The following ZNF226 variants were observed in gnomAD, a reference collection of about 807,000 sequenced individuals.
The protein encoded by ZNF226 is Kruppel-associated box protein.
ZNF226 carries 6 observed loss-of-function variants against 11.4 expected under a neutral mutation model. The ratio of observed to expected loss-of-function variants is 0.53; its 90% CI spans 0.29 to 1.04. The LOEUF (loss-of-function observed/expected upper bound fraction) is 1.04. ZNF226 is among the 50% of genes least tolerant of loss of function. The probability of loss-of-function intolerance (pLI) is 0.08; values close to 1 mark genes in which losing one functional copy is unlikely to be tolerated. For missense variants in ZNF226, 1,058 were observed against 956.5 expected, an observed-to-expected ratio of 1.11 and a Z score of -1.40; for synonymous variants, 350 against 322.8, an observed-to-expected ratio of 1.08 and a Z score of -0.90.
chr19:44,172,624 A>G (rs1176199413), intron 4 of ZNF226: 1 of 510,592 alleles, frequency 2.0e-6, no homozygotes, highest in Non-Finnish European at 3.4e-6. Flanking sequence ...GGGAGATTTA[A>G]GGAAAACAGA....
Position 44,175,818 on chromosome 19 carries a change from A to G in ZNF226, c.556A>G (p.Arg186Gly). 1 of 1,613,780 alleles carries G rather than the reference A, an allele frequency of 6.2e-7. No homozygotes were observed. The highest frequency in any genetic ancestry group is 8.5e-7 in the Non-Finnish European group (1 of 1,179,814). Reference sequence around the variant, plus strand: ...CCTGACTGAGTCACAGAGATTGAACAGAGATCAGCAAATTTCCATAAAAAA... The same window carrying G: ...CCTGACTGAGTCACAGAGATTGAACGGAGATCAGCAAATTTCCATAAAAAA... The part of the protein sequence containing the change: ...TFLTESQRLN[R>G]DQQISIKNKL... Residue 186 changes from arginine (R) to glycine (G), a missense_variant, in exon 6 of 6, where the codon AGA becomes GGA. Coordinates refer to ENST00000337433, the MANE Select transcript of ZNF226 (RefSeq NM_001032373.2).
downstream of ZNF226, chr19:44,178,211 G>A (rs943370328): frequency 1.8e-4 from 28 of 153,892 alleles, no homozygotes; most frequent in African/African-American, 6.5e-4. Context: ...TCCTCCTTTA[G>A]CCTCACTAAT....
chr19:44,181,067 T>C (rs1970899852), downstream of ZNF226, among the ~76,000 whole-genome samples: 1 of 152,180 alleles, frequency 6.6e-6, no homozygotes. Context: ...CCAGTTCTTT[T>C]GGCCTTTGTG....
the ZNF226 span, among the ~76,000 whole-genome samples, chr19:44,193,056 T>A: frequency 1.3e-5 from 2 of 152,144 alleles, no homozygotes; most frequent in Non-Finnish European, 2.9e-5. Flanking sequence ...TCTGAAGACC[T>A]CACTATTTTA....
Position 44,176,184 on chromosome 19 carries a change from A to C in ZNF226, c.922A>C (p.Lys308Gln). ...HQKVHVGEKL[K>Q]CDECGKEFSQ... is the part of the protein sequence containing the mutation. ...GAAAGTACATGTGGGAGAAAAACTT[A>C]AGTGTGATGAGTGTGGTAAGGAATT... is the stretch of plus-strand genomic sequence containing the variant. Residue 308 changes from lysine to glutamine, a missense_variant, in exon 6 of 6, where the codon AAG (lysine) becomes CAG (glutamine). By Grantham distance (53) the Lys-to-Gln change is moderately conservative. Transcript: ENST00000337433. 6 of 1,614,152 alleles carry C rather than the reference A, an allele frequency of 3.7e-6. No homozygotes were observed. The highest frequency in any genetic ancestry group is 1.1e-5 in the South Asian group (1 of 91,084).
chr19:44,176,535 G>A lies in ZNF226; in HGVS notation c.1273G>A (p.Gly425Ser). ...GEKPYKCEEC[G>S]KGFICSSNLY... is the part of the protein sequence containing the mutation. ...GAAACCATACAAATGTGAGGAGTGTGGTAAGGGCTTCATTTGTAGCTCAAA... is the reference window on the plus strand; with the variant it reads ...GAAACCATACAAATGTGAGGAGTGTAGTAAGGGCTTCATTTGTAGCTCAAA... Residue 425 changes from glycine (G) to serine (S), a missense_variant, in exon 6 of 6, where the codon GGT becomes AGT. Gly to Ser is a moderately conservative substitution (Grantham distance 56, BLOSUM62 0). Coordinates refer to ENST00000337433, the MANE Select transcript of ZNF226 (RefSeq NM_001032373.2). 6.2e-7 allele frequency: 1 copy of A among 1,614,162 alleles called. No homozygotes were observed.
chr19:44,192,337 G>C, the ZNF226 span, among the ~76,000 whole-genome samples: 1 of 152,128 alleles, frequency 6.6e-6, no homozygotes, highest in Non-Finnish European at 1.5e-5. Flanking sequence ...TGAGAGGTGA[G>C]AGAGGGAGAG....
intron 2 of ZNF226, chr19:44,166,959 C>T (rs1000012879): frequency 6.6e-6 from 1 of 152,138 alleles, no homozygotes; most frequent in African/African-American, 2.4e-5. Context: ...GAAAACTGAC[C>T]CTGCCAGATG....
At chr19:44,187,192 GTTAA>G in the ZNF226 span, among the ~76,000 whole-genome samples, 1 of 151,912 alleles carries the variant, frequency 6.6e-6, no homozygotes, top group Non-Finnish European at 1.5e-5. This position sits in a 1 kb window ranked among gnomAD's most constrained non-coding sequence, Gnocchi z 4.0. Context: ...GAATTTGTAT[GTTAA>G]TTCTTCTTTA....
chr19:44,174,896 C>G, intron 5 of ZNF226: 3 of 1,256,326 alleles, frequency 2.4e-6, no homozygotes, highest in Non-Finnish European at 2.2e-6. Context: ...TTCTCTTCAG[C>G]AATAACTCAC....
In ZNF226 at chr19:44,176,068, T is replaced by A. The variant is rs763216885; in HGVS notation, c.806T>A (p.Leu269His). 3 of 1,614,176 alleles carry A rather than the reference T, an allele frequency of 1.9e-6. No individual in the cohort carries two copies. The South Asian group carries it at 3.3e-5, about 18-fold the overall frequency. The change falls in exon 6 of 6, where the codon CTT becomes CAT. Residue 269 changes from leucine (L) to histidine (H), a missense_variant. Coordinates refer to ENST00000337433, the MANE Select transcript of ZNF226 (RefSeq NM_001032373.2). ...KPFSDLSSFD[L>H]HQQLQSGEKS... is the part of the protein sequence containing the mutation. The stretch of plus-strand genomic sequence containing the variant: ...TTCAGTGATCTCTCCAGCTTTGATC[T>A]TCATCAGCAGTTACAATCAGGAGAG...
At chr19:44,177,889 T>C (rs1324798907), downstream of ZNF226, 1 of 490,470 alleles carries the variant, frequency 2.0e-6, no homozygotes, top group Admixed American at 3.9e-5. Context: ...AGGCCTTTTA[T>C]AAAAGTATCA....
Position 44,176,509 on chromosome 19 carries a change from AG to A in ZNF226, c.1248del (p.Lys417AsnfsTer70), listed in dbSNP as rs757580013. 1.9e-6 allele frequency: 3 copies of A among 1,614,166 alleles called. No individual in the cohort carries two copies. The highest frequency in any genetic ancestry group is 1.7e-6 in the Non-Finnish European group (2 of 1,180,022). On this transcript the variant is annotated frameshift_variant, in exon 6 of 6. Transcript: ENST00000337433. LOFTEE classifies it low-confidence loss of function (END_TRUNC). ...TCCCATCAAAGAGTTCATACAGGAG[AG>A]AAACCATACAAATGTGAGGAGTGTG... is the stretch of plus-strand genomic sequence containing the variant. ...LQSHQRVHTGEKPYKCEECGK... is the reference protein window; with the variant it reads ...LQSHQRVHTGXKPYKCEECGK...
the ZNF226 span, among the ~76,000 whole-genome samples, chr19:44,194,120 T>C: frequency 6.6e-6 from 1 of 152,238 alleles, no homozygotes; most frequent in Non-Finnish European, 1.5e-5. Context: ...TCCCTGGTTG[T>C]GTAGAAATTT....
At chr19:44,175,066 G>A in intron 5 of ZNF226, 2 of 1,609,142 alleles carry the variant, frequency 1.2e-6, no homozygotes, top group Non-Finnish European at 1.7e-6. Flanking sequence ...AATGTTGGAA[G>A]TCATTTATAT....
chr19:44,175,447 A>G, intron 5 of ZNF226, 51 bp from the exon 6 acceptor site: 1 of 1,525,212 alleles, frequency 6.6e-7, no homozygotes. Flanking sequence ...TGAAATCTTA[A>G]ATCTTTGAAC....
chr19:44,176,526 G>T lies in ZNF226; in HGVS notation c.1264G>T (p.Glu422Ter). ...TACAGGAGAGAAACCATACAAATGT[G>T]AGGAGTGTGGTAAGGGCTTCATTTG... ...VHTGEKPYKC[E>*]ECGKGFICSS... Residue 422 changes from glutamate (E) to a stop codon, truncating the protein, a stop_gained, in exon 6 of 6, where the codon GAG becomes TAG. Coordinates refer to ENST00000337433, the MANE Select transcript of ZNF226 (RefSeq NM_001032373.2). LOFTEE classifies it low-confidence loss of function (END_TRUNC). The T allele has an allele frequency of 6.2e-7, 1 of 1,614,186 alleles. No homozygotes were observed. Among genetic ancestry groups the T allele is most frequent in the Non-Finnish European group, 8.5e-7 (1 of 1,180,018 alleles).
chr19:44,176,851 C>G lies in ZNF226; in HGVS notation c.1589C>G (p.Pro530Arg). 1.9e-6 allele frequency: 3 copies of G among 1,614,026 alleles called. No individual in the cohort carries two copies. The highest frequency in any genetic ancestry group is 2.5e-6 in the Non-Finnish European group (3 of 1,180,006). ...VHLVVHTGEKPYKCEICGKGF... is the reference protein window; with the variant it reads ...VHLVVHTGEKRYKCEICGKGF... The stretch of plus-strand genomic sequence containing the variant: ...CTAGTGGTCCACACAGGAGAGAAAC[C>G]CTATAAATGTGAGATATGTGGGAAG... The change falls in exon 6 of 6, where the codon CCC becomes CGC. Residue 530 changes from proline to arginine, a missense_variant. Coordinates refer to ENST00000337433, the MANE Select transcript of ZNF226 (RefSeq NM_001032373.2).
Position 44,176,241 on chromosome 19 carries a change from A to G in ZNF226, c.979A>G (p.Lys327Glu), listed in dbSNP as rs1970667370. The G allele has an allele frequency of 6.2e-7, 1 of 1,614,208 alleles. No individual in the cohort carries two copies. The highest frequency in any genetic ancestry group is 8.5e-7 in the Non-Finnish European group (1 of 1,180,018). ...SQGAHLQTHQKVHVIEKPYKC... is the reference protein window; with the variant it reads ...SQGAHLQTHQEVHVIEKPYKC... ...GGGCGCTCATCTACAGACCCATCAG[A>G]AAGTCCACGTGATAGAGAAACCATA... The change falls in exon 6 of 6, where the codon AAA (lysine) becomes GAA (glutamate). Residue 327 changes from lysine to glutamate, a missense_variant. Physicochemically the swap from Lys to Glu is moderately conservative, Grantham distance 56. Transcript: ENST00000337433.
Sources: allele counts gnomAD v4.1 joint callset (sites outside exome capture counted in the v4.1 genomes callset), GRCh38; gene constraint gnomAD v4.1.1; non-coding constraint Gnocchi (gnomAD v3.1); transcripts MANE v1.5; gene names NCBI Gene and HGNC (gene_info 2026-07-23, HGNC 2026-07-21).